LRRC37A2: variants seen among roughly 807,000 people sequenced by gnomAD.
LRRC37A2 encodes the protein leucine-rich repeat-containing protein 37A2.
A neutral mutation model predicts 68.8 loss-of-function variants in LRRC37A2; 9 were observed. The observed-to-expected ratio is 0.13, with a 90% CI of 0.08 to 0.23. The LOEUF is 0.23. Among genes scored for constraint, LRRC37A2 ranks in the 10% least tolerant of loss-of-function variants. The pLI is 1.00. For synonymous variants in LRRC37A2, 63 were observed against 367.6 expected, an observed-to-expected ratio of 0.17 and a Z score of 9.48; for missense variants, 168 against 950.4, an observed-to-expected ratio of 0.18 and a Z score of 10.82.
At chr17:46,950,298 C>T in the LRRC37A2 span, among the ~76,000 whole-genome samples, 5 of 152,136 alleles carry the variant, frequency 3.3e-5, no homozygotes, top group African/African-American at 1.2e-4. Flanking sequence ...CTCTCTGCCT[C>T]TTGTAGGTGA....
At chr17:47,026,830 A>G in the LRRC37A2 span, among the ~76,000 whole-genome samples, 1 of 152,220 alleles carries the variant, frequency 6.6e-6, no homozygotes, top group Non-Finnish European at 1.5e-5. Context: ...ATGTGAAAGG[A>G]TGTCTTTTAT....
the LRRC37A2 span, among the ~76,000 whole-genome samples, chr17:46,416,247 CAAAGTTACTCAGCATAT>C: frequency 1.8e-5 from 1 of 54,470 alleles, no homozygotes; most frequent in South Asian, 8.4e-4. Flanking sequence ...TTTTGCCTAT[CAAAGTTACTCAGCATAT>C]AACCTGTACT....
chr17:46,929,788 A>T, the LRRC37A2 span: 1 of 560,948 alleles, frequency 1.8e-6, no homozygotes, highest in Non-Finnish European at 3.2e-6. Context: ...CTTATCCCCC[A>T]TTACCCCTCC....
the LRRC37A2 span, among the ~76,000 whole-genome samples, chr17:46,961,142 G>T: frequency 6.6e-6 from 1 of 152,092 alleles, no homozygotes; most frequent in Non-Finnish European, 1.5e-5. Context: ...TAAAGGTAAA[G>T]ATATTGATTA....
At chr17:47,035,588 A>C in the LRRC37A2 span, among the ~76,000 whole-genome samples, 1 of 152,140 alleles carries the variant, frequency 6.6e-6, no homozygotes, top group African/African-American at 2.4e-5. Flanking sequence ...GGTTGTTTCT[A>C]CTTTATTTTG....
At chr17:46,978,945 G>T in the LRRC37A2 span, 1 of 1,454,910 alleles carries the variant, frequency 6.9e-7, no homozygotes, top group Admixed American at 2.7e-5. Flanking sequence ...GGGCGGCCCC[G>T]GCGCCGCCGC....
At chr17:46,994,219 T>C in the LRRC37A2 span, among the ~76,000 whole-genome samples, 1 of 152,066 alleles carries the variant, frequency 6.6e-6, no homozygotes, top group East Asian at 1.9e-4. Context: ...ACCCCGTCTC[T>C]ACTAAAAATA....
chr17:46,898,043 G>A, the LRRC37A2 span, among the ~76,000 whole-genome samples: 1 of 152,162 alleles, frequency 6.6e-6, no homozygotes, highest in Non-Finnish European at 1.5e-5. Flanking sequence ...GTGTCCTGGA[G>A]GAGGTTGTAT....
the LRRC37A2 span, among the ~76,000 whole-genome samples, chr17:46,874,333 G>A: frequency 6.6e-6 from 1 of 152,186 alleles, no homozygotes; most frequent in African/African-American, 2.4e-5. Flanking sequence ...GTCATAGGAA[G>A]CCCATGGGGC....
At chr17:46,789,336 G>C in the LRRC37A2 span, among the ~76,000 whole-genome samples, 10 of 152,318 alleles carry the variant, frequency 6.6e-5, no homozygotes, top group African/African-American at 2.4e-4. Flanking sequence ...GGCTACTGGG[G>C]TCAGGGATGC....
the LRRC37A2 span, among the ~76,000 whole-genome samples, chr17:46,977,309 A>T: frequency 1.3e-5 from 2 of 152,244 alleles, no homozygotes. Flanking sequence ...GGAGAAATCC[A>T]GTCTCTCCCC....
At chr17:46,949,997 T>C in the LRRC37A2 span, among the ~76,000 whole-genome samples, 37 of 152,338 alleles carry the variant, frequency 2.4e-4, 1 homozygote, top group Admixed American at 2.2e-3. Context: ...TTCATAAATA[T>C]TGATTGAAAT....
At chr17:46,993,935 ACTGCCTTCT>A in the LRRC37A2 span, among the ~76,000 whole-genome samples, 2,868 of 152,356 alleles carry the variant, frequency 0.019, 76 homozygotes, top group African/African-American at 0.06. Context: ...CAGGTGCCAC[ACTGCCTTCT>A]TAGCTATGTT....
the LRRC37A2 span, among the ~76,000 whole-genome samples, chr17:46,902,489 T>TGA: frequency 3.6e-4 from 55 of 150,964 alleles, no homozygotes; most frequent in South Asian, 6.3e-4. Flanking sequence ...TGTGTGTGTG[T>TGA]AAGATAGAGA....
At chr17:46,876,578 AGCAGCCTGTGCTGCGG>A in the LRRC37A2 span, 12 of 1,613,492 alleles carry the variant, frequency 7.4e-6, no homozygotes, top group African/African-American at 1.3e-5. Context: ...GGCCAGCTGC[AGCAGCCTGTGCTGCGG>A]GCGGGGCTAT....
the LRRC37A2 span, among the ~76,000 whole-genome samples, chr17:46,739,019 T>C: frequency 1.5e-5 from 2 of 130,508 alleles, no homozygotes; most frequent in African/African-American, 5.8e-5. Context: ...GAGGATCGCT[T>C]GAGTCCAGGA....
At chr17:46,868,615 CA>C in the LRRC37A2 span, among the ~76,000 whole-genome samples, 1 of 151,970 alleles carries the variant, frequency 6.6e-6, no homozygotes, top group African/African-American at 2.4e-5. Context: ...CAAAACAAAA[CA>C]AAACAAAAAC....
chr17:46,499,157 A>G, the LRRC37A2 span, among the ~76,000 whole-genome samples: 2 of 144,734 alleles, frequency 1.4e-5, no homozygotes, highest in Admixed American at 6.8e-5. Flanking sequence ...TCTACTAAAA[A>G]TATAAAAATT....
At chr17:47,004,044 A>G in the LRRC37A2 span, among the ~76,000 whole-genome samples, 1 of 152,232 alleles carries the variant, frequency 6.6e-6, no homozygotes, top group Non-Finnish European at 1.5e-5. Flanking sequence ...TACAAAGGAC[A>G]TGAACTTATC....
Sources: gnomAD v4.1 joint callset for allele counts (sites outside exome capture counted in the v4.1 genomes callset) on GRCh38, gnomAD v4.1.1 for gene constraint, MANE v1.5 for transcripts, NCBI Gene and HGNC (gene_info 2026-07-23, HGNC 2026-07-21) for gene names.